The following FOCAD variants were observed in gnomAD, a reference collection of about 807,000 sequenced individuals.
FOCAD encodes the protein focadhesin.
Under a neutral mutation model 225.6 loss-of-function variants are expected in FOCAD, and 198 were observed. The ratio of observed to expected loss-of-function variants is 0.88; its 90% CI spans 0.78 to 0.99. FOCAD has a LOEUF of 0.99. FOCAD is among the 50% of genes least tolerant of loss of function. The pLI, the probability that FOCAD is intolerant of heterozygous loss-of-function variation, is 0.00. For missense variants in FOCAD, 2,713 were observed against 2,123.6 expected, an observed-to-expected ratio of 1.28 and a Z score of -5.46; for synonymous variants, 897 against 755.0, an observed-to-expected ratio of 1.19 and a Z score of -3.08.
chr9:20,918,965 G>A (rs551248256), intron 24 of FOCAD, among the ~76,000 whole-genome samples: 1 of 152,070 alleles, frequency 6.6e-6, no homozygotes, highest in Non-Finnish European at 1.5e-5. Flanking sequence ...CCTTAGCTAC[G>A]GCTGCCACAG....
At chr9:20,912,035 C>T (rs1464824481) in intron 22 of FOCAD, among the ~76,000 whole-genome samples, 3 of 152,020 alleles carry the variant, frequency 2.0e-5, no homozygotes, top group African/African-American at 4.8e-5. Context: ...CTGACAATTC[C>T]GAATGCTGGT....
chr9:20,993,173 A>G, intron 42 of FOCAD, 80 bp from the exon 43 acceptor site: 1 of 1,183,798 alleles, frequency 8.4e-7, no homozygotes, highest in Non-Finnish European at 1.2e-6. Context: ...CACCTCATAT[A>G]TATAGGTCCA....
At chr9:20,708,308 T>C (rs1824554579) in intron 1 of FOCAD, among the ~76,000 whole-genome samples, 1 of 152,168 alleles carries the variant, frequency 6.6e-6, no homozygotes, top group Non-Finnish European at 1.5e-5. Flanking sequence ...CTAAGTAAAT[T>C]CCATAACTGA....
chr9:20,925,933 T>C (rs1024250215), intron 25 of FOCAD, among the ~76,000 whole-genome samples: 141 of 152,336 alleles, frequency 9.3e-4, no homozygotes, highest in Non-Finnish European at 1.5e-4. Flanking sequence ...GTCATAGAAA[T>C]GAGAAATTTT....
chr9:20,907,334 G>A lies in FOCAD; in HGVS notation c.2718+92G>A, dbSNP rs947316534. 38 of 991,634 alleles carry A rather than the reference G, an allele frequency of 3.8e-5. No individual in the cohort carries two copies. In the Admixed American group the frequency reaches 7.3e-4, roughly 19 times the overall value. The allele number at this position is 991,634 out of a possible 1,614,324, so 61.4% of individuals were successfully genotyped here. On this transcript the variant is annotated intron_variant, in intron 22 of 43. Coordinates refer to ENST00000338382, the MANE Select transcript of FOCAD (RefSeq NM_001375567.1). Reference sequence around the variant, plus strand: ...GTGTATTTAATATAAAAGCACTTGGGAAAATAGCACTACCAAAAATGTAAT... The same window carrying A: ...GTGTATTTAATATAAAAGCACTTGGAAAAATAGCACTACCAAAAATGTAAT...
intron 4 of FOCAD, among the ~76,000 whole-genome samples, chr9:20,725,452 A>T (rs76521748): frequency 6.6e-6 from 1 of 152,244 alleles, no homozygotes. Context: ...GGGTGGATAG[A>T]AAAAGCCAAT....
At chr9:20,704,656 C>T (rs1487896124) in intron 1 of FOCAD, among the ~76,000 whole-genome samples, 1 of 152,176 alleles carries the variant, frequency 6.6e-6, no homozygotes, top group South Asian at 2.1e-4. Flanking sequence ...TTCAATATTA[C>T]TCTTTTCATA....
intron 43 of FOCAD, among the ~76,000 whole-genome samples, chr9:20,995,136 T>C (rs1841962462): frequency 6.6e-6 from 1 of 152,044 alleles, no homozygotes; most frequent in Non-Finnish European, 1.5e-5. Context: ...CTAACTTTAT[T>C]ATAGGTTCAG....
Position 20,686,689 on chromosome 9 carries a change from A to G in FOCAD, c.-33+2396A>G, listed in dbSNP as rs1822688588. 3.9e-5 allele frequency among the ~76,000 whole-genome samples: 6 copies of G among 152,308 alleles called. No homozygotes were observed. In the South Asian group the frequency reaches 1.2e-3, roughly 32 times the overall value. On this transcript the variant is annotated intron_variant, in intron 1 of 43. Coordinates refer to ENST00000338382, the MANE Select transcript of FOCAD (RefSeq NM_001375567.1). ...TTAAATTTTGATCAAGTGGGTAGTA[A>G]GTATTTCTTTAGGAGATGAGAAATC... is the stretch of plus-strand genomic sequence containing the variant.
chr9:20,826,057 T>C (rs1041664763), intron 15 of FOCAD, among the ~76,000 whole-genome samples: 2 of 152,072 alleles, frequency 1.3e-5, no homozygotes, highest in African/African-American at 4.8e-5. Context: ...TAGGGCTGAA[T>C]TGCTTTTAAA....
intron 11 of FOCAD, among the ~76,000 whole-genome samples, chr9:20,798,362 A>C (rs1035955811): frequency 1.1e-4 from 17 of 152,286 alleles, no homozygotes; most frequent in Admixed American, 8.5e-4. Context: ...CTGGCCTCAT[A>C]AAATGAGTTA....
intron 8 of FOCAD, among the ~76,000 whole-genome samples, chr9:20,776,797 C>T (rs1456492502): frequency 1.3e-5 from 2 of 151,934 alleles, no homozygotes; most frequent in African/African-American, 2.4e-5. Flanking sequence ...TGTTGTTGAT[C>T]GTTTTGGAAT....
At chr9:20,688,474 A>G (rs1587223310) in intron 1 of FOCAD, among the ~76,000 whole-genome samples, 2 of 152,204 alleles carry the variant, frequency 1.3e-5, no homozygotes, top group East Asian at 1.9e-4. Flanking sequence ...ACATGGGTTT[A>G]GGTCACACAA....
rs950466923 is a variant in FOCAD at position 20,875,907 on chromosome 9, G to A, written c.2317+1100G>A. On this transcript the variant is annotated intron_variant, in intron 19 of 43. Coordinates refer to ENST00000338382, the MANE Select transcript of FOCAD (RefSeq NM_001375567.1). ...TGTTACAATTCTACTTTGAATGTTC[G>A]TGGATATAAAAATTTAATTTCTGGA... is the stretch of plus-strand genomic sequence containing the variant. The A allele has an allele frequency of 3.3e-5, 5 of 152,036 alleles. No homozygotes were observed. The South Asian group carries it at 1.0e-3, about 32-fold the overall frequency. 9.4% of individuals were successfully genotyped at this position (152,036 alleles called of 1,614,324 possible).
Position 20,976,558 on chromosome 9 carries a change from ATG to A in FOCAD, c.4261+14_4261+15del, listed in dbSNP as rs1564231151. On this transcript the variant is annotated intron_variant, in intron 36 of 43. Coordinates refer to ENST00000338382, the MANE Select transcript of FOCAD (RefSeq NM_001375567.1). ...ATGAGGCTAAATTTTGGTAAATATC[ATG>A]TGTTTTTAAGTCTTCAGACTTTGAT... 6.2e-7 allele frequency: 1 copy of A among 1,611,780 alleles called. No homozygotes were observed.
At chr9:20,755,968 G>A (rs1000736431) in intron 5 of FOCAD, among the ~76,000 whole-genome samples, 1 of 151,800 alleles carries the variant, frequency 6.6e-6, no homozygotes, top group Non-Finnish European at 1.5e-5. Flanking sequence ...CCTGTTTTGT[G>A]GTTTTAATTG....
At chr9:20,738,950 C>A (rs1489347722) in intron 4 of FOCAD, among the ~76,000 whole-genome samples, 2 of 152,004 alleles carry the variant, frequency 1.3e-5, no homozygotes, top group African/African-American at 4.8e-5. Flanking sequence ...GTCCCAAAGT[C>A]TTTTAAATCT....
chr9:20,739,710 A>G (rs945237307), intron 4 of FOCAD, among the ~76,000 whole-genome samples: 7 of 151,932 alleles, frequency 4.6e-5, no homozygotes, highest in Admixed American at 6.6e-5. Flanking sequence ...AAGGCAGCCT[A>G]TTTTTCTTTC....
intron 2 of FOCAD, among the ~76,000 whole-genome samples, chr9:20,669,849 CA>C (rs1379734880): frequency 6.6e-6 from 1 of 152,136 alleles, no homozygotes; most frequent in Admixed American, 6.6e-5. Context: ...AAAGCAACAG[CA>C]GAGCATTGAA....
Sources: gnomAD v4.1 joint callset for allele counts (sites outside exome capture counted in the v4.1 genomes callset) on GRCh38, gnomAD v4.1.1 for gene constraint, MANE v1.5 for transcripts, NCBI Gene and HGNC (gene_info 2026-07-23, HGNC 2026-07-21) for gene names.